The following RP1 variants were observed in gnomAD, a reference collection of about 807,000 sequenced individuals.
RP1 encodes oxygen-regulated protein 1.
A neutral mutation model predicts 14.8 loss-of-function variants in RP1; 16 were observed. The observed-to-expected ratio is 1.08, with a 90% CI of 0.73 to 1.65. The LOEUF (loss-of-function observed/expected upper bound fraction) is 1.65, where lower values mean the gene tolerates loss of function less well. RP1 is among the 40% of genes most tolerant of loss of function. The probability of loss-of-function intolerance (pLI) is 0.00; values close to 1 mark genes in which losing one functional copy is unlikely to be tolerated. For missense variants in RP1, 2,631 were observed against 2,535.0 expected, an observed-to-expected ratio of 1.04 and a Z score of -0.81; for synonymous variants, 876 against 883.6, an observed-to-expected ratio of 0.99 and a Z score of 0.15.
intron 25 of RP1, among the ~76,000 whole-genome samples, chr8:54,846,740 C>G (rs538155944): frequency 1.3e-5 from 2 of 152,188 alleles, no homozygotes; most frequent in South Asian, 4.2e-4. Flanking sequence ...ATACGGATAC[C>G]TTAGTTCCTG....
chr8:54,571,844 C>G (rs1370037748), intron 1 of RP1, among the ~76,000 whole-genome samples: 9 of 152,040 alleles, frequency 5.9e-5, no homozygotes, highest in Non-Finnish European at 1.3e-4. Context: ...CAATCTTGCA[C>G]TCTCTCTGAA....
intron 25 of RP1, among the ~76,000 whole-genome samples, chr8:54,841,198 A>T (rs1420372388): frequency 6.6e-6 from 1 of 152,170 alleles, no homozygotes; most frequent in Non-Finnish European, 1.5e-5. Flanking sequence ...TACTTCCTTG[A>T]TTTGGCTTTG....
chr8:54,782,208 G>T (rs75194819), intron 23 of RP1, among the ~76,000 whole-genome samples: 4,241 of 152,204 alleles, frequency 0.028, 179 homozygotes, highest in African/African-American at 0.096. Context: ...CCTGAAAGCT[G>T]GCTGGCTGCG....
chr8:54,576,327 G>T (rs1417170844), intron 1 of RP1, among the ~76,000 whole-genome samples: 1 of 152,228 alleles, frequency 6.6e-6, no homozygotes, highest in Non-Finnish European at 1.5e-5. Context: ...TTACAGGCGT[G>T]AGCCACCGCG....
At chr8:54,602,376 T>C (rs1805312884) in intron 1 of RP1, among the ~76,000 whole-genome samples, 1 of 152,242 alleles carries the variant, frequency 6.6e-6, no homozygotes, top group African/African-American at 2.4e-5. Context: ...TCATCCTTTT[T>C]TATGGCTGCA....
intron 3 of RP1, among the ~76,000 whole-genome samples, chr8:54,647,025 A>G (rs943170102): frequency 6.6e-6 from 1 of 152,168 alleles, no homozygotes; most frequent in Non-Finnish European, 1.5e-5. Flanking sequence ...GTTTTTATTT[A>G]CTGATTGTCT....
At chr8:54,688,218 T>C (rs1341726078) in intron 12 of RP1, among the ~76,000 whole-genome samples, 1 of 152,238 alleles carries the variant, frequency 6.6e-6, no homozygotes, top group African/African-American at 2.4e-5. Context: ...ATTAGACTTT[T>C]GTTAGATGGG....
chr8:54,641,583 G>C (rs1806455649), intron 3 of RP1, among the ~76,000 whole-genome samples: 1 of 152,132 alleles, frequency 6.6e-6, no homozygotes, highest in South Asian at 2.1e-4. Flanking sequence ...AGATAGCACT[G>C]AGTTTAGAGG....
In RP1 at chr8:54,629,061, G is replaced by C. The variant is rs1455463587; in HGVS notation, c.5179G>C (p.Asp1727His). ...DIVEPGTKQN[D>H]DSRILTDIEE... ...TGTAGAACCTGGTACAAAACAAAAT[G>C]ATGATAGCAGAATCCTCACAGACAT... is the stretch of plus-strand genomic sequence containing the variant. Residue 1727 changes from aspartate (D) to histidine (H), a missense_variant, in exon 4 of 4, where the codon GAT becomes CAT. Coordinates refer to ENST00000220676, the MANE Select transcript of RP1 (RefSeq NM_006269.2). The C allele has an allele frequency of 3.1e-6, 5 of 1,614,132 alleles. No individual in the cohort carries two copies. The highest frequency in any genetic ancestry group is 4.2e-6 in the Non-Finnish European group (5 of 1,179,974).
At chr8:54,844,293 A>G (rs921226573) in intron 25 of RP1, among the ~76,000 whole-genome samples, 4 of 152,168 alleles carry the variant, frequency 2.6e-5, no homozygotes, top group Non-Finnish European at 4.4e-5. Flanking sequence ...TGTAGCTTCA[A>G]TTTATTTATT....
At chr8:54,559,591 G>A (rs1041229786) in intron 1 of RP1, among the ~76,000 whole-genome samples, 1 of 152,166 alleles carries the variant, frequency 6.6e-6, no homozygotes, top group Non-Finnish European at 1.5e-5. Flanking sequence ...GTAAGGTATT[G>A]TAGTTTTGAG....
intron 1 of RP1, among the ~76,000 whole-genome samples, chr8:54,597,891 ATG>A (rs1441828308): frequency 6.6e-6 from 1 of 152,048 alleles, no homozygotes; most frequent in Non-Finnish European, 1.5e-5. Context: ...GTTGATGAAA[ATG>A]TGTACATATA....
In RP1 at chr8:54,706,398, G is replaced by A. The variant is rs768780853; in HGVS notation, c.1999-45G>A. 2.2e-5 allele frequency: 33 copies of A among 1,521,164 alleles called. No homozygotes were observed. In the African/African-American group the frequency reaches 3.0e-4, roughly 14 times the overall value. 94.2% of individuals were successfully genotyped at this position (1,521,164 alleles called of 1,614,324 possible). A position where few individuals can be genotyped will look rare whatever the true frequency, so the allele number is the denominator to read the frequency against. On this transcript the variant is annotated intron_variant, in intron 14 of 22. Transcript: ENST00000636932. ...TAGTTGTCTCCCTCTAGCAAAACACGAGCCCGTTACTGACTGCCTTTCTGT... is the reference window on the plus strand; with the variant it reads ...TAGTTGTCTCCCTCTAGCAAAACACAAGCCCGTTACTGACTGCCTTTCTGT...
At chr8:54,604,859 G>T (rs1031426162) in intron 1 of RP1, among the ~76,000 whole-genome samples, 3 of 152,176 alleles carry the variant, frequency 2.0e-5, no homozygotes, top group African/African-American at 4.8e-5. Flanking sequence ...ATGGTAGTTT[G>T]TATTTCTGTG....
chr8:54,620,381 A>T (rs1029508817), intron 1 of RP1, among the ~76,000 whole-genome samples: 1 of 152,216 alleles, frequency 6.6e-6, no homozygotes, highest in Non-Finnish European at 1.5e-5. Flanking sequence ...TGCTGTACAG[A>T]TTTATAGCCT....
chr8:54,668,145 C>A (rs1252510139), intron 7 of RP1, among the ~76,000 whole-genome samples: 1 of 152,162 alleles, frequency 6.6e-6, no homozygotes, highest in Non-Finnish European at 1.5e-5. Flanking sequence ...CCATTGCGAT[C>A]AAGTGGGCTT....
At chr8:54,584,191 G>T (rs1349651453) in intron 1 of RP1, among the ~76,000 whole-genome samples, 1 of 152,106 alleles carries the variant, frequency 6.6e-6, no homozygotes, top group Non-Finnish European at 1.5e-5. Flanking sequence ...AGAGATTCTG[G>T]TATGTTGTGT....
intron 14 of RP1, chr8:54,706,388 A>C (rs947964134): frequency 6.6e-7 from 1 of 1,510,874 alleles, no homozygotes; most frequent in Non-Finnish European, 8.9e-7. Flanking sequence ...GTCTCCCTCT[A>C]GCAAAACACG....
chr8:54,733,859 A>G (rs562330463), intron 17 of RP1, among the ~76,000 whole-genome samples: 1 of 152,308 alleles, frequency 6.6e-6, no homozygotes, highest in East Asian at 1.9e-4. Flanking sequence ...GAAGACAGCC[A>G]TTCTAGCTTG....
Sources: allele counts gnomAD v4.1 joint callset (sites outside exome capture counted in the v4.1 genomes callset), GRCh38; gene constraint gnomAD v4.1.1; transcripts MANE v1.5; gene names NCBI Gene and HGNC (gene_info 2026-07-23, HGNC 2026-07-21).